Variants in COG5 observed in about 807,000 individuals in gnomAD.
The protein encoded by COG5 is component of oligomeric golgi complex 5.
In COG5, 86 loss-of-function variants were observed where a neutral mutation model predicts 110.4. That is an observed-to-expected ratio of 0.78 (90% CI 0.65 to 0.93). COG5 has a LOEUF of 0.93. Among genes scored for constraint, COG5 ranks in the 40% least tolerant of loss-of-function variants. The pLI is 0.00. For synonymous variants in COG5, 360 were observed against 334.6 expected, an observed-to-expected ratio of 1.08 and a Z score of -0.83; for missense variants, 1,077 against 987.0, an observed-to-expected ratio of 1.09 and a Z score of -1.22.
chr7:107,356,668 A>G (rs1044753827), intron 10 of COG5, among the ~76,000 whole-genome samples: 2 of 152,196 alleles, frequency 1.3e-5, no homozygotes, highest in Non-Finnish European at 1.5e-5. Flanking sequence ...CAGTGTAGAA[A>G]AGATACTTGC....
chr7:107,269,470 G>A (rs143821571), intron 14 of COG5, among the ~76,000 whole-genome samples: 4,220 of 143,118 alleles, frequency 0.029, 161 homozygotes, highest in African/African-American at 0.081. Flanking sequence ...GCAAGACTCC[G>A]TCTCAAAAAA....
intron 12 of COG5, among the ~76,000 whole-genome samples, chr7:107,285,646 C>T (rs1196518529): frequency 2.6e-5 from 4 of 151,962 alleles, no homozygotes; most frequent in Non-Finnish European, 4.4e-5. Context: ...TAAGTCACTA[C>T]AATATTTGCC....
At chr7:107,561,117 G>A (rs192388125) in intron 1 of COG5, among the ~76,000 whole-genome samples, 5 of 152,300 alleles carry the variant, frequency 3.3e-5, no homozygotes, top group Non-Finnish European at 5.9e-5. Flanking sequence ...AGCTTACAAA[G>A]ATCAAACACA....
At chr7:107,467,990 C>A (rs1796404078) in intron 6 of COG5, among the ~76,000 whole-genome samples, 10 of 152,086 alleles carry the variant, frequency 6.6e-5, no homozygotes, top group Admixed American at 6.5e-4. Flanking sequence ...CACTGTCTCA[C>A]AAAGAGTTAA....
At chr7:107,335,707 T>C (rs1027070573) in intron 10 of COG5, among the ~76,000 whole-genome samples, 3 of 152,178 alleles carry the variant, frequency 2.0e-5, no homozygotes, top group African/African-American at 7.2e-5. Context: ...AAGACTCAAC[T>C]ATACACTGCC....
chr7:107,365,890 T>G (rs1334089803), intron 8 of COG5, among the ~76,000 whole-genome samples: 1 of 152,096 alleles, frequency 6.6e-6, no homozygotes, highest in Non-Finnish European at 1.5e-5. Context: ...AAACCTAAAT[T>G]AAATTGCAGA....
At chr7:107,505,021 T>C (rs980114037) in intron 6 of COG5, among the ~76,000 whole-genome samples, 2 of 152,244 alleles carry the variant, frequency 1.3e-5, no homozygotes, top group Non-Finnish European at 2.9e-5. Context: ...GATAGCTTTC[T>C]CTGCTGCTGG....
chr7:107,383,913 G>T (rs1192219151), intron 7 of COG5, among the ~76,000 whole-genome samples: 1 of 152,124 alleles, frequency 6.6e-6, no homozygotes, highest in Non-Finnish European at 1.5e-5. Context: ...CACTGGCTTA[G>T]GGTTAAGCTC....
chr7:107,346,631 C>T (rs1409173817), intron 10 of COG5, among the ~76,000 whole-genome samples: 1 of 152,154 alleles, frequency 6.6e-6, no homozygotes, highest in African/African-American at 2.4e-5. Flanking sequence ...ACACTTTCAT[C>T]TAACTTCTAC....
chr7:107,344,940 G>C (rs559826743), intron 10 of COG5, among the ~76,000 whole-genome samples: 2 of 152,240 alleles, frequency 1.3e-5, no homozygotes, highest in South Asian at 4.1e-4. Context: ...CTAGTGTTCA[G>C]CATTTCTCAG....
chr7:107,213,394 G>A (rs1799311488), intron 19 of COG5, among the ~76,000 whole-genome samples: 1 of 152,162 alleles, frequency 6.6e-6, no homozygotes, highest in Non-Finnish European at 1.5e-5. Flanking sequence ...CCCATCCCAT[G>A]GTCCAGCCCA....
chr7:107,314,295 A>C (rs1272302058), intron 11 of COG5, among the ~76,000 whole-genome samples: 1 of 152,204 alleles, frequency 6.6e-6, no homozygotes, highest in East Asian at 1.9e-4. Context: ...GAACATCTGG[A>C]CTACAGATAA....
chr7:107,267,220 C>T (rs993182598), intron 14 of COG5, among the ~76,000 whole-genome samples: 2 of 152,222 alleles, frequency 1.3e-5, no homozygotes, highest in African/African-American at 4.8e-5. Context: ...ACCTAACTTT[C>T]TCATTAACCT....
At chr7:107,475,131 T>C in intron 6 of COG5, 3 of 1,610,680 alleles carry the variant, frequency 1.9e-6, no homozygotes, top group East Asian at 4.5e-5. Flanking sequence ...TCATGGCTTA[T>C]GGAACAACTA....
At chr7:107,428,445 G>A (rs1451247503) in intron 6 of COG5, among the ~76,000 whole-genome samples, 1 of 151,966 alleles carries the variant, frequency 6.6e-6, no homozygotes, top group African/African-American at 2.4e-5. Flanking sequence ...GAAGATAGAG[G>A]CAGAGACTGG....
chr7:107,446,791 C>A lies in COG5; in HGVS notation c.539-34159G>T, dbSNP rs114832490. Among the ~76,000 whole-genome samples the A allele has an allele frequency of 5.5e-3, 841 of 152,332 alleles. 8 individuals are homozygous for A. The highest frequency in any genetic ancestry group is 0.019 in the African/African-American group (810 of 41,580). On this transcript the variant is annotated intron_variant, in intron 6 of 21. Coordinates refer to ENST00000297135, the MANE Select transcript of COG5 (RefSeq NM_006348.5). ...CACACCCTGGCTGACAACTTCACTA[C>A]AACCTCATGAGAGGTCCTAAGCCAG...
chr7:107,558,000 C>T lies in COG5; in HGVS notation c.210G>A (p.Gln70=), dbSNP rs779941468. Residue 70 remains glutamine (Q), a synonymous_variant, in exon 2 of 22, where the codon CAG becomes CAA. Coordinates refer to ENST00000297135, the MANE Select transcript of COG5 (RefSeq NM_006348.5). ...QLAKLAQGIS[Q]LDRELHLQVV... The stretch of plus-strand genomic sequence containing the variant: ...CCTGTAAGTGTAGTTCTCTGTCCAA[C>T]TGACTGATTCCTTGGGCAAGTTTTG... 1.9e-6 allele frequency: 3 copies of T among 1,613,876 alleles called. No individual in the cohort carries two copies. In the Admixed American group the frequency reaches 5.0e-5, roughly 27 times the overall value.
intron 6 of COG5, among the ~76,000 whole-genome samples, chr7:107,505,011 G>A (rs1422878114): frequency 6.6e-6 from 1 of 152,128 alleles, no homozygotes; most frequent in Non-Finnish European, 1.5e-5. Context: ...GTCTTTGTAT[G>A]ATAGCTTTCT....
intron 7 of COG5, among the ~76,000 whole-genome samples, chr7:107,398,577 C>A (rs561718094): frequency 6.6e-6 from 1 of 152,202 alleles, no homozygotes; most frequent in Non-Finnish European, 1.5e-5. Context: ...CCTCTGCCCC[C>A]ACATGTGTGG....
Sources: allele counts gnomAD v4.1 joint callset (sites outside exome capture counted in the v4.1 genomes callset), GRCh38; gene constraint gnomAD v4.1.1; transcripts MANE v1.5; gene names NCBI Gene and HGNC (gene_info 2026-07-23, HGNC 2026-07-21).